Variants in DRP2 observed in about 807,000 individuals in gnomAD.
DRP2 encodes dystrophin related protein 2, also known as dystrophin-related protein 2.
A neutral mutation model predicts 78.2 loss-of-function variants in DRP2; 29 were observed. The ratio of observed to expected loss-of-function variants is 0.37; its 90% CI spans 0.28 to 0.51. The LOEUF (loss-of-function observed/expected upper bound fraction) is 0.51. DRP2 is among the 20% of genes least tolerant of loss of function. The pLI is 0.94. For synonymous variants in DRP2, 290 were observed against 281.9 expected (o/e 1.03, Z -0.29); for missense variants, 686 against 770.6 (o/e 0.89, Z 1.30).
At chrX:101,234,528 G>A (rs776787431) in intron 3 of DRP2, among the ~76,000 whole-genome samples, 2 of 112,743 alleles carry the variant, frequency 1.8e-5, no homozygotes, top group Non-Finnish European at 3.8e-5. Context: ...CTGCCTCCTG[G>A]CCTGGCTCAG....
intron 2 of DRP2, among the ~76,000 whole-genome samples, chrX:101,230,224 T>C (rs1051106876): frequency 8.9e-6 from 1 of 112,344 alleles, no homozygotes; most frequent in African/African-American, 3.2e-5. Context: ...CAGGGGGCTC[T>C]TTCTAAAATG....
intron 6 of DRP2, among the ~76,000 whole-genome samples, chrX:101,239,682 A>G (rs1439351611): frequency 2.7e-5 from 3 of 111,269 alleles, no homozygotes; most frequent in African/African-American, 9.8e-5. Flanking sequence ...GGTTCATGCC[A>G]TTCTCCTGCC....
At chrX:101,238,952 C>T (rs1328173122) in intron 5 of DRP2, 29 bp from the exon 6 acceptor site, 1 of 1,198,738 alleles carries the variant, frequency 8.3e-7, no homozygotes, top group Admixed American at 2.3e-5. Context: ...ACTTTCCTTT[C>T]CTGTTGACCA....
In DRP2 at chrX:101,256,226, A is replaced by G. The variant is rs1013956512; in HGVS notation, c.2355A>G (p.Leu785=). 4 of 1,204,408 alleles carry G rather than the reference A, an allele frequency of 3.3e-6. No homozygotes were observed. The African/African-American group carries it at 5.2e-5, about 16-fold the overall frequency. ...CSVATESKGE[L]QKILAHLEDE... ...TGGCCACAGAAAGCAAAGGGGAGCTACAGAAGATCCTGGCCCACTTGGAAG... is the reference window on the plus strand; with the variant it reads ...TGGCCACAGAAAGCAAAGGGGAGCTGCAGAAGATCCTGGCCCACTTGGAAG... The change falls in exon 21 of 24, where the codon CTA becomes CTG. Residue 785 remains leucine (L), a synonymous_variant. Transcript: ENST00000395209.
intron 11 of DRP2, among the ~76,000 whole-genome samples, chrX:101,246,613 G>A (rs1360298319): frequency 8.9e-6 from 1 of 111,847 alleles, no homozygotes; most frequent in Non-Finnish European, 1.9e-5. Context: ...AGTGTGTTGT[G>A]ACAAACATTT....
In DRP2 at chrX:101,245,440, C is replaced by G; in HGVS notation, c.1168C>G (p.Gln390Glu). 1.7e-6 allele frequency: 2 copies of G among 1,203,806 alleles called. No individual in the cohort carries two copies. Among genetic ancestry groups the G allele is most frequent in the Non-Finnish European group, 2.2e-6 (2 of 891,035 alleles). The change falls in exon 11 of 24, where the codon CAA becomes GAA. Residue 390 changes from glutamine (Q) to glutamate (E), a missense_variant. Physicochemically the swap from Gln to Glu is conservative, Grantham distance 29. Around this residue, in one of 2 missense-constraint regions of DRP2, gnomAD observed 423 missense variants for 531.5 expected, o/e 0.80. Coordinates refer to ENST00000395209, the MANE Select transcript of DRP2 (RefSeq NM_001939.3). ...WDHPKMTELY[Q>E]TLADLNNIKF... ...CCATCCCAAGATGACAGAGTTATAC[C>G]AAACCCTAGGTAAGAATGTGGGCTT... is the stretch of plus-strand genomic sequence containing the variant.
At position 101,242,411 on chromosome X, in the gene DRP2, C is replaced by G; in HGVS notation, c.915C>G (p.His305Gln). ...ACCAACTTGCCATTTCTGATGTGCA[C>G]TTGTCAATGGAGAATTCCCAGGCCC... is the stretch of plus-strand genomic sequence containing the variant. ...LAHQLAISDV[H>Q]LSMENSQALE... Residue 305 changes from histidine (H) to glutamine (Q), a missense_variant, in exon 8 of 24, where the codon CAC (histidine) becomes CAG (glutamine). Transcript: ENST00000395209. 8.3e-7 allele frequency: 1 copy of G among 1,211,602 alleles called. No individual in the cohort carries two copies. The highest frequency in any genetic ancestry group is 1.8e-5 in the South Asian group (1 of 56,933).
At chrX:101,227,252 C>T (rs1028590423) in intron 2 of DRP2, among the ~76,000 whole-genome samples, 3 of 111,839 alleles carry the variant, frequency 2.7e-5, no homozygotes, top group Admixed American at 9.5e-5. Context: ...TAATTTTCCC[C>T]GCTAAAATTA....
In DRP2 at chrX:101,248,219, A is replaced by C. The variant is rs1023734738; in HGVS notation, c.1383A>C (p.Glu461Asp). 3 of 1,211,852 alleles carry C rather than the reference A, an allele frequency of 2.5e-6. No homozygotes were observed. The highest frequency in any genetic ancestry group is 3.3e-6 in the Non-Finnish European group (3 of 895,541). ...LTALYERLEE[E>D]RGILVNVPLC... ...CCTTATATGAACGTTTGGAGGAGGA[A>C]AGAGGCATCCTGGTCAACGTGCCAC... Residue 461 changes from glutamate to aspartate, a missense_variant, in exon 13 of 24, where the codon GAA (glutamate) becomes GAC (aspartate). Coordinates refer to ENST00000395209, the MANE Select transcript of DRP2 (RefSeq NM_001939.3).
chrX:101,230,378 T>G (rs1008855428), intron 2 of DRP2, among the ~76,000 whole-genome samples: 1 of 110,005 alleles, frequency 9.1e-6, no homozygotes, highest in Non-Finnish European at 1.9e-5. Flanking sequence ...TACGAAAAAT[T>G]AGTGGGGCAT....
intron 11 of DRP2, among the ~76,000 whole-genome samples, chrX:101,246,556 A>T (rs758623493): frequency 8.9e-6 from 1 of 112,049 alleles, no homozygotes; most frequent in Non-Finnish European, 1.9e-5. Context: ...GTGTGCAAAG[A>T]TTTCTCTGGG....
In DRP2 at chrX:101,261,017, C is replaced by T. The variant is rs896763602; in HGVS notation, c.*396C>T. 31 of 124,447 alleles carry T rather than the reference C, an allele frequency of 2.5e-4. No homozygotes were observed. The highest frequency in any genetic ancestry group is 4.8e-4 in the Non-Finnish European group (30 of 62,181). 10.3% of individuals were successfully genotyped at this position (124,447 alleles called of 1,213,427 possible). ...ATGGAAAGAGAGAAGCCTAATTACC[C>T]CAAGGTTCCATCCAGCATTATGAAT... On this transcript the variant is annotated 3_prime_UTR_variant, in exon 24 of 24. Transcript: ENST00000395209.
intron 9 of DRP2, among the ~76,000 whole-genome samples, chrX:101,243,365 G>A (rs1922802264): frequency 1.0e-5 from 1 of 100,199 alleles, no homozygotes; most frequent in Admixed American, 1.1e-4. Context: ...GGTGGAGGTT[G>A]CAGCCTGGGC....
In DRP2 at chrX:101,260,223, C is replaced by T. The variant is rs1002438411; in HGVS notation, c.2749+54C>T. 1.0e-5 allele frequency: 12 copies of T among 1,194,104 alleles called. No individual in the cohort carries two copies. The Admixed American group carries it at 1.1e-4, about 11-fold the overall frequency. On this transcript the variant is annotated intron_variant, in intron 23 of 23. Coordinates refer to ENST00000395209, the MANE Select transcript of DRP2 (RefSeq NM_001939.3). ...TTTCTCCATGGCTTTGTCCTGCCCT[C>T]GATTTCCTGCCCAAGGCTTTGCGGG...
At chrX:101,255,364 T>G in intron 20 of DRP2, 115 bp downstream of exon 20, 11 of 735,958 alleles carry the variant, frequency 1.5e-5, no homozygotes, top group Non-Finnish European at 2.0e-5. Context: ...TTAGGATCCT[T>G]AGCTCCCTAA....
rs1922215482 is a variant in DRP2, at chrX:101,229,168, A to G, written c.-63-2417A>G. Among the ~76,000 whole-genome samples, 3 of 112,134 alleles carry G rather than the reference A, an allele frequency of 2.7e-5. No homozygotes were observed. The South Asian group carries it at 1.1e-3, about 42-fold the overall frequency. Reference sequence around the variant, plus strand: ...CCCAGTTTTTCTATCAAGAACATGTATTACTTCTATAATCAGCAAAAATAA... The same window carrying G: ...CCCAGTTTTTCTATCAAGAACATGTGTTACTTCTATAATCAGCAAAAATAA... On this transcript the variant is annotated intron_variant, in intron 2 of 23. Transcript: ENST00000395209.
intron 19 of DRP2, 101 bp from the exon 20 acceptor site, chrX:101,255,083 C>T (rs979381929): frequency 3.8e-6 from 4 of 1,061,779 alleles, no homozygotes; most frequent in East Asian, 3.0e-5. Flanking sequence ...GTAGTTGGGG[C>T]AGCTCTCAAA....
intron 21 of DRP2, 113 bp downstream of exon 21, chrX:101,256,374 C>T: frequency 1.4e-6 from 1 of 739,682 alleles, no homozygotes; most frequent in East Asian, 3.7e-5. Context: ...TACTTATATT[C>T]TGTAATCCTC....
At chrX:101,256,003 A>G (rs914664162) in intron 20 of DRP2, 115 bp from the exon 21 acceptor site, 37 of 947,597 alleles carry the variant, frequency 3.9e-5, no homozygotes, top group Non-Finnish European at 4.7e-5. Flanking sequence ...TTCCCTCTCG[A>G]TGTGACTTAG....
Sources: allele counts gnomAD v4.1 joint callset (sites outside exome capture counted in the v4.1 genomes callset), GRCh38; gene constraint gnomAD v4.1.1; regional missense constraint gnomAD v4.1.1; transcripts MANE v1.5; gene names NCBI Gene and HGNC (gene_info 2026-07-23, HGNC 2026-07-21).